Variants in ST6GAL1 observed in about 807,000 individuals in gnomAD.
ST6GAL1 encodes the protein ST6 beta-galactoside alpha-2,6-sialyltransferase 1, also known as beta-galactoside alpha-2,6-sialyltransferase 1.
A neutral mutation model predicts 38.0 loss-of-function variants in ST6GAL1; 20 were observed. That is an observed-to-expected ratio of 0.53 (90% confidence interval 0.37 to 0.77). ST6GAL1 has a LOEUF of 0.77. Ranked by LOEUF, ST6GAL1 falls within the 30% of genes least tolerant of loss-of-function variation. ST6GAL1 has a pLI of 0.00. For missense variants in ST6GAL1, 432 were observed against 496.4 expected (o/e 0.87, Z 1.23); for synonymous variants, 196 against 188.2 (o/e 1.04, Z -0.34).
chr3:187,049,967 G>T (rs561265477), intron 4 of ST6GAL1, among the ~76,000 whole-genome samples: 46 of 152,288 alleles, frequency 3.0e-4, no homozygotes, highest in Non-Finnish European at 4.9e-4. Context: ...TTTGGACTGT[G>T]CCCTTCTCAG....
intron 2 of ST6GAL1, among the ~76,000 whole-genome samples, chr3:186,984,751 C>CCTTCCTTCCTTCCTTCT (rs1715820162): frequency 2.3e-4 from 8 of 35,174 alleles, no homozygotes; most frequent in Admixed American, 5.9e-4. Context: ...TCCCTCCCTC[C>CCTTCCTTCCTTCCTTCT]CTCCCTCCCT....
intron 2 of ST6GAL1, among the ~76,000 whole-genome samples, chr3:187,005,636 C>G (rs1238180542): frequency 6.6e-6 from 1 of 152,164 alleles, no homozygotes; most frequent in Non-Finnish European, 1.5e-5. Flanking sequence ...TCTACTTTCT[C>G]TTATTACATG....
intron 4 of ST6GAL1, among the ~76,000 whole-genome samples, chr3:187,048,527 G>A (rs1718385988): frequency 6.6e-6 from 1 of 152,092 alleles, no homozygotes; most frequent in Non-Finnish European, 1.5e-5. Context: ...CAGTGTCTCT[G>A]GCACACAGCT....
At chr3:186,957,202 G>A (rs1440215621) in intron 1 of ST6GAL1, among the ~76,000 whole-genome samples, 1 of 152,226 alleles carries the variant, frequency 6.6e-6, no homozygotes, top group East Asian at 1.9e-4. Context: ...CAGAACTTTG[G>A]GAGGCCAAGG....
chr3:187,067,081 C>CTTTTTTTTTTTTTTTTT lies in ST6GAL1; in HGVS notation c.706-5758_706-5742dup, dbSNP rs763013682. The stretch of plus-strand genomic sequence containing the variant: ...GCAATCTTCTTTTCTTTCTTTCTTT[C>CTTTTTTTTTTTTTTTTT]TTTTTTTTTTTTTTTTTTTTTTTTT... On this transcript the variant is annotated intron_variant, in intron 5 of 7. Coordinates refer to ENST00000169298, the MANE Select transcript of ST6GAL1 (RefSeq NM_173216.2). Among the ~76,000 whole-genome samples, 29 of 93,060 alleles carry CTTTTTTTTTTTTTTTTT rather than the reference C, an allele frequency of 3.1e-4. 3 individuals carry two copies. The highest frequency in any genetic ancestry group is 4.3e-4 in the Non-Finnish European group (21 of 48,470). 61.1% of individuals were successfully genotyped at this position (93,060 alleles called of 152,430 possible). A position where few individuals can be genotyped will look rare whatever the true frequency, so the allele number is the denominator to read the frequency against.
intron 2 of ST6GAL1, among the ~76,000 whole-genome samples, chr3:186,992,227 C>A (rs1716197080): frequency 6.6e-6 from 1 of 152,056 alleles, no homozygotes; most frequent in Non-Finnish European, 1.5e-5. Context: ...GCTGTTTCCC[C>A]CATGCTGTTC....
intron 2 of ST6GAL1, among the ~76,000 whole-genome samples, chr3:186,990,650 CTTTTTTTT>C (rs111805405): frequency 0.029 from 3,758 of 129,552 alleles, 176 homozygotes; most frequent in African/African-American, 0.1. Context: ...ACAGGATGTT[CTTTTTTTT>C]TTTTTTTTTG....
At chr3:187,011,750 A>C (rs1335921386) in intron 2 of ST6GAL1, among the ~76,000 whole-genome samples, 1 of 152,148 alleles carries the variant, frequency 6.6e-6, no homozygotes, top group Non-Finnish European at 1.5e-5. Flanking sequence ...TTTCTGTAAA[A>C]TTTTATTTCT....
At chr3:187,028,501 ATTTTAAAGTAGAT>A (rs1717624114) in intron 2 of ST6GAL1, among the ~76,000 whole-genome samples, 1 of 152,206 alleles carries the variant, frequency 6.6e-6, no homozygotes, top group Admixed American at 6.5e-5. Flanking sequence ...TGGCTGGAGT[ATTTTAAAGTAGAT>A]TTTTAAAGTA....
chr3:186,985,340 G>T (rs535354738), intron 2 of ST6GAL1, among the ~76,000 whole-genome samples: 1 of 152,058 alleles, frequency 6.6e-6, no homozygotes, highest in South Asian at 2.1e-4. Flanking sequence ...AAACTCTAAG[G>T]GTGTTGATCT....
chr3:187,054,762 T>G (rs1718633648), intron 5 of ST6GAL1, among the ~76,000 whole-genome samples: 1 of 152,206 alleles, frequency 6.6e-6, no homozygotes, highest in Non-Finnish European at 1.5e-5. Context: ...AAATTCTCTT[T>G]TTTTGTTTTG....
At chr3:186,992,919 C>G (rs1484006311) in intron 2 of ST6GAL1, among the ~76,000 whole-genome samples, 1 of 152,188 alleles carries the variant, frequency 6.6e-6, no homozygotes, top group African/African-American at 2.4e-5. Flanking sequence ...TTTTCCACTG[C>G]TGGTCAGTGT....
intron 5 of ST6GAL1, among the ~76,000 whole-genome samples, chr3:187,054,361 C>T (rs924876689): frequency 6.6e-6 from 1 of 152,186 alleles, no homozygotes; most frequent in African/African-American, 2.4e-5. Flanking sequence ...TAAGAGAGGG[C>T]ATCCCTGTCT....
intron 2 of ST6GAL1, among the ~76,000 whole-genome samples, chr3:187,026,127 T>A (rs1166878289): frequency 6.6e-6 from 1 of 152,250 alleles, no homozygotes; most frequent in African/African-American, 2.4e-5. Context: ...CACTGTCTTC[T>A]CAGATTCACC....
At chr3:186,983,761 C>G (rs1290551094) in intron 2 of ST6GAL1, among the ~76,000 whole-genome samples, 1 of 152,106 alleles carries the variant, frequency 6.6e-6, no homozygotes, top group East Asian at 1.9e-4. Context: ...AGTTGAGTAG[C>G]CTGTCCAAGA....
At chr3:186,986,402 A>G (rs1715922970) in intron 2 of ST6GAL1, 1 of 152,544 alleles carries the variant, frequency 6.6e-6, no homozygotes, top group Non-Finnish European at 1.5e-5. Context: ...TGTTGAATAC[A>G]GTATTAAATA....
chr3:186,973,738 C>A (rs1193003978), intron 2 of ST6GAL1, among the ~76,000 whole-genome samples: 3 of 152,162 alleles, frequency 2.0e-5, no homozygotes, highest in Non-Finnish European at 4.4e-5. Context: ...TCCTGGAGGC[C>A]CTCTTCATGA....
chr3:187,063,996 G>A (rs549743209), intron 5 of ST6GAL1, among the ~76,000 whole-genome samples: 68 of 152,172 alleles, frequency 4.5e-4, no homozygotes, highest in Middle Eastern at 3.4e-3. Flanking sequence ...AAATAGTAGC[G>A]ATGGGCACTA....
At chr3:186,969,051 CTTTT>C (rs34520153) in intron 2 of ST6GAL1, among the ~76,000 whole-genome samples, 6 of 89,228 alleles carry the variant, frequency 6.7e-5, no homozygotes, top group Admixed American at 2.3e-4. Flanking sequence ...TTCTCTTTTT[CTTTT>C]TTTTTTTTTT....
Sources: gnomAD v4.1 joint callset for allele counts (sites outside exome capture counted in the v4.1 genomes callset) on GRCh38, gnomAD v4.1.1 for gene constraint, MANE v1.5 for transcripts, NCBI Gene and HGNC (gene_info 2026-07-23, HGNC 2026-07-21) for gene names.